The following HLF variants were observed in gnomAD, a reference collection of about 807,000 sequenced individuals.
HLF encodes the protein hepatic leukemia factor.
Under a neutral mutation model 22.6 loss-of-function variants are expected in HLF, and 3 were observed. The observed-to-expected ratio is 0.13, with a 90% CI of 0.06 to 0.34. The LOEUF (loss-of-function observed/expected upper bound fraction) is 0.34, where lower values mean the gene tolerates loss of function less well. HLF is among the 10% of genes least tolerant of loss of function. The pLI, the probability that HLF is intolerant of heterozygous loss-of-function variation, is 1.00. For synonymous variants in HLF, 151 were observed against 151.8 expected, an observed-to-expected ratio of 0.99 and a Z score of 0.04; for missense variants, 299 against 389.2, an observed-to-expected ratio of 0.77 and a Z score of 1.95.
chr17:55,312,982 G>T (rs886634396), intron 2 of HLF, among the ~76,000 whole-genome samples: 11 of 152,148 alleles, frequency 7.2e-5, no homozygotes, highest in African/African-American at 2.7e-4. Flanking sequence ...TGGCACTAAG[G>T]TATCTTTGGG....
rs919518571 is a variant in HLF at position 55,296,531 on chromosome 17, G to C, written c.452-18696G>C. 6.6e-5 allele frequency among the ~76,000 whole-genome samples: 10 copies of C among 152,054 alleles called. 1 individual carries two copies. The East Asian group carries it at 1.9e-3, about 29-fold the overall frequency. On this transcript the variant is annotated intron_variant, in intron 2 of 3. Coordinates refer to ENST00000226067, the MANE Select transcript of HLF (RefSeq NM_002126.5). ...TATGTATATGCATACAATACATAGT[G>C]TTATGCATCTTGCCTTTTTCATTCA...
At position 55,320,599 on chromosome 17, in the gene HLF, C is replaced by A; in HGVS notation, c.673-65C>A. 1 of 1,471,974 alleles carries A rather than the reference C, an allele frequency of 6.8e-7. No homozygotes were observed. The highest frequency in any genetic ancestry group is 1.2e-5 in the South Asian group (1 of 82,998). 91.2% of individuals were successfully genotyped at this position (1,471,974 alleles called of 1,614,324 possible). ...ATCCTGGAGCCTGCCCGTGCCCTGGCTGGCACTGGGCTTTGCTGAAATCTA... is the reference window on the plus strand; with the variant it reads ...ATCCTGGAGCCTGCCCGTGCCCTGGATGGCACTGGGCTTTGCTGAAATCTA... On this transcript the variant is annotated intron_variant, in intron 3 of 3. Transcript: ENST00000226067. The surrounding 1 kb of genome is among the most constrained non-coding windows in gnomAD (Gnocchi z 4.2).
rs1043213024 is a variant in HLF at position 55,321,802 on chromosome 17, C to T, written c.*923C>T. On this transcript the variant is annotated 3_prime_UTR_variant, in exon 4 of 4. Coordinates refer to ENST00000226067, the MANE Select transcript of HLF (RefSeq NM_002126.5). ...AGGATGAGGGGTTAATTTATCAGTA[C>T]ATGAGCCAAAAACTGCGTCTTGGAT... 1 of 231,944 alleles carries T rather than the reference C, an allele frequency of 4.3e-6. No homozygotes were observed. The highest frequency in any genetic ancestry group is 2.2e-5 in the African/African-American group (1 of 45,240). The allele number at this position is 231,944 out of a possible 1,614,324, so 14.4% of individuals were successfully genotyped here.
chr17:55,300,517 A>G (rs909071973), intron 2 of HLF, among the ~76,000 whole-genome samples: 8 of 152,206 alleles, frequency 5.3e-5, no homozygotes, highest in African/African-American at 1.7e-4. Flanking sequence ...CTGAAACTCA[A>G]TGGATCCACA....
chr17:55,307,342 A>T lies in HLF; in HGVS notation c.452-7885A>T, dbSNP rs149185843. Among the ~76,000 whole-genome samples, 586 of 149,292 alleles carry T rather than the reference A, an allele frequency of 3.9e-3. 6 individuals are homozygous for T. The highest frequency in any genetic ancestry group is 0.011 in the African/African-American group (429 of 40,650). ...CTAATTATTTATTATTATTATTATT[A>T]TTTTTTAATAGAGACAGGGATTCAC... On this transcript the variant is annotated intron_variant, in intron 2 of 3. Transcript: ENST00000226067.
rs1249822884 is a variant in HLF, at chr17:55,267,945, C to T, written c.310C>T (p.His104Tyr). The T allele has an allele frequency of 1.9e-6, 3 of 1,614,044 alleles. No individual in the cohort carries two copies. The highest frequency in any genetic ancestry group is 2.5e-6 in the Non-Finnish European group (3 of 1,180,030). ...ENGIPPSPSQ[H>Y]DHSPHPPGLQ... is the part of the protein sequence containing the mutation. Reference sequence around the variant, plus strand: ...TGGCATTCCCCCCAGCCCATCTCAGCATGACCACAGCCCTCACCCTCCTGG... The same window carrying T: ...TGGCATTCCCCCCAGCCCATCTCAGTATGACCACAGCCCTCACCCTCCTGG... The change falls in exon 2 of 4, where the codon CAT becomes TAT. Residue 104 changes from histidine to tyrosine, a missense_variant. Physicochemically the swap from His to Tyr is moderately conservative, Grantham distance 83. Coordinates refer to ENST00000226067, the MANE Select transcript of HLF (RefSeq NM_002126.5).
intron 2 of HLF, chr17:55,288,754 T>TC (rs1396972880): frequency 3.6e-5 from 4 of 111,334 alleles, no homozygotes; most frequent in Admixed American, 1.3e-4. Flanking sequence ...ACACCCTGTC[T>TC]CAAAAAAAAA....
intron 2 of HLF, among the ~76,000 whole-genome samples, chr17:55,303,606 A>G (rs548316019): frequency 1.3e-5 from 2 of 152,248 alleles, no homozygotes; most frequent in African/African-American, 4.8e-5. Flanking sequence ...GATCCAGCTC[A>G]AATCTGTCTC....
chr17:55,288,074 C>A (rs544438451), intron 2 of HLF, among the ~76,000 whole-genome samples: 169 of 152,224 alleles, frequency 1.1e-3, no homozygotes, highest in Non-Finnish European at 1.8e-3. Flanking sequence ...TGCAGATATA[C>A]CCCTGCTGAT....
intron 3 of HLF, among the ~76,000 whole-genome samples, chr17:55,317,219 G>A (rs541530407): frequency 6.7e-4 from 101 of 151,876 alleles, no homozygotes; most frequent in African/African-American, 1.9e-3. Flanking sequence ...TGCCCACCTC[G>A]GTCTTCCAAA....
At chr17:55,278,066 A>G (rs2080922233) in intron 2 of HLF, among the ~76,000 whole-genome samples, 1 of 152,230 alleles carries the variant, frequency 6.6e-6, no homozygotes, top group African/African-American at 2.4e-5. Flanking sequence ...TTTCGTTTTT[A>G]GAAGTTTAAT....
At chr17:55,296,608 T>C (rs1452197321) in intron 2 of HLF, among the ~76,000 whole-genome samples, 1 of 152,256 alleles carries the variant, frequency 6.6e-6, no homozygotes, top group Non-Finnish European at 1.5e-5. Flanking sequence ...GCCGGCTGCA[T>C]AGAACCTATG....
intron 2 of HLF, among the ~76,000 whole-genome samples, chr17:55,298,889 A>G (rs2081132665): frequency 6.6e-6 from 1 of 152,240 alleles, no homozygotes; most frequent in Admixed American, 6.5e-5. Flanking sequence ...ATGCATGCTC[A>G]ATGAATGTTA....
In HLF at chr17:55,280,301, C is replaced by T. The variant is rs142558782; in HGVS notation, c.451+12215C>T. Among the ~76,000 whole-genome samples, 679 of 152,320 alleles carry T rather than the reference C, an allele frequency of 4.5e-3. 16 individuals are homozygous for T. Among genetic ancestry groups the T allele is most frequent in the Admixed American group, 0.032 (485 of 15,294 alleles). On this transcript the variant is annotated intron_variant, in intron 2 of 3. Coordinates refer to ENST00000226067, the MANE Select transcript of HLF (RefSeq NM_002126.5). ...GGAAGAGATACAGCAGGTGAGCACC[C>T]TGTGTTTTTACACCTGTGAGAAGAT...
At chr17:55,271,372 C>G (rs2080855896) in intron 2 of HLF, 1 of 152,266 alleles carries the variant, frequency 6.6e-6, no homozygotes, top group East Asian at 1.9e-4. Context: ...CAGCATGCAT[C>G]TTTTGAGCTA....
In HLF at chr17:55,322,430, T is replaced by C. The variant is rs1367949589; in HGVS notation, c.*1551T>C. On this transcript the variant is annotated 3_prime_UTR_variant, in exon 4 of 4. Transcript: ENST00000226067. ...AAAACTATTCCATGTTTTAAAATTATATAGCAAAGATATATATTCACCAAT... is the reference window on the plus strand; with the variant it reads ...AAAACTATTCCATGTTTTAAAATTACATAGCAAAGATATATATTCACCAAT... 2 of 201,028 alleles carry C rather than the reference T, an allele frequency of 9.9e-6. No individual in the cohort carries two copies. The highest frequency in any genetic ancestry group is 2.1e-5 in the Non-Finnish European group (2 of 97,398). 12.5% of individuals were successfully genotyped at this position (201,028 alleles called of 1,614,324 possible).
intron 2 of HLF, among the ~76,000 whole-genome samples, chr17:55,298,039 C>G (rs946476413): frequency 6.6e-6 from 1 of 152,006 alleles, no homozygotes; most frequent in Non-Finnish European, 1.5e-5. Flanking sequence ...TATGAGCCAC[C>G]GCGCCCAGCC....
At chr17:55,297,450 T>A (rs1276028120) in intron 2 of HLF, among the ~76,000 whole-genome samples, 3 of 152,132 alleles carry the variant, frequency 2.0e-5, no homozygotes, top group African/African-American at 7.2e-5. Context: ...TTCCCTTGCT[T>A]AGGTAGCCTC....
At chr17:55,288,886 T>C in intron 2 of HLF, 1 of 984,820 alleles carries the variant, frequency 1.0e-6, no homozygotes. Flanking sequence ...CACAGAGACA[T>C]GATTGGAAGT....
Sources: gnomAD v4.1 joint callset for allele counts (sites outside exome capture counted in the v4.1 genomes callset) on GRCh38, gnomAD v4.1.1 for gene constraint, Gnocchi (gnomAD v3.1) non-coding constraint, MANE v1.5 for transcripts, NCBI Gene and HGNC (gene_info 2026-07-23, HGNC 2026-07-21) for gene names.